Variants in STAT4 observed in about 807,000 individuals in gnomAD.
STAT4 encodes the protein signal transducer and activator of transcription 4.
STAT4 carries 42 observed loss-of-function variants against 110.5 expected under a neutral mutation model. That is an observed-to-expected ratio of 0.38 (90% CI 0.30 to 0.49). The LOEUF is 0.49. Ranked by LOEUF, STAT4 falls within the 20% of genes least tolerant of loss-of-function variation. The pLI, the probability that STAT4 is intolerant of heterozygous loss-of-function variation, is 0.95. For synonymous variants in STAT4, 284 were observed against 302.2 expected, an observed-to-expected ratio of 0.94 and a Z score of 0.63; for missense variants, 632 against 887.9, an observed-to-expected ratio of 0.71 and a Z score of 3.66.
At chr2:191,123,285 A>C (rs1421517170) in intron 3 of STAT4, among the ~76,000 whole-genome samples, 2 of 152,216 alleles carry the variant, frequency 1.3e-5, no homozygotes, top group African/African-American at 4.8e-5. Flanking sequence ...GGGATGGTTC[A>C]GAAAGACCAC....
chr2:191,136,049 A>G (rs1012286711), intron 3 of STAT4, among the ~76,000 whole-genome samples: 2 of 152,028 alleles, frequency 1.3e-5, no homozygotes, highest in Middle Eastern at 3.4e-3. Context: ...CAATGTGATC[A>G]AGTGGGATTT....
At chr2:191,100,450 T>C (rs1013275080) in intron 3 of STAT4, among the ~76,000 whole-genome samples, 2 of 152,174 alleles carry the variant, frequency 1.3e-5, no homozygotes, top group Non-Finnish European at 2.9e-5. Context: ...TACCGCAAAG[T>C]AGTCTTTGGG....
chr2:191,052,497 C>T (rs768684311), intron 14 of STAT4, among the ~76,000 whole-genome samples: 1 of 152,152 alleles, frequency 6.6e-6, no homozygotes, highest in Admixed American at 6.5e-5. Flanking sequence ...TATAAGTAGA[C>T]AGTGTTAATA....
intron 3 of STAT4, among the ~76,000 whole-genome samples, chr2:191,121,111 G>A (rs1012821310): frequency 1.3e-5 from 2 of 152,146 alleles, no homozygotes; most frequent in East Asian, 3.9e-4. Context: ...AGTGGGCGAA[G>A]GATATGAACA....
intron 16 of STAT4, among the ~76,000 whole-genome samples, chr2:191,038,625 G>A (rs533320256): frequency 6.6e-6 from 1 of 152,272 alleles, no homozygotes; most frequent in Admixed American, 6.5e-5. Context: ...TGTCTTATAA[G>A]AAGAACACCT....
Position 191,066,402 on chromosome 2 carries a change from A to G in STAT4, c.630+28T>C, listed in dbSNP as rs373008204. 66 of 1,596,030 alleles carry G rather than the reference A, an allele frequency of 4.1e-5. No homozygotes were observed. Among genetic ancestry groups the G allele is most frequent in the Non-Finnish European group, 5.2e-5 (60 of 1,164,582 alleles). ...TTAGAAAAAAGGAGAAAAATAGGCA[A>G]AAGCCCAAATTAAAATTCTTCACTA... is the stretch of plus-strand genomic sequence containing the variant. On this transcript the variant is annotated intron_variant, in intron 7 of 23. Coordinates refer to ENST00000392320, the MANE Select transcript of STAT4 (RefSeq NM_003151.4). The surrounding 1 kb of genome is among the most constrained non-coding windows in gnomAD (Gnocchi z 4.3).
At chr2:191,137,857 C>T (rs1187878799) in intron 3 of STAT4, among the ~76,000 whole-genome samples, 1 of 152,108 alleles carries the variant, frequency 6.6e-6, no homozygotes, top group African/African-American at 2.4e-5. Context: ...TAAAAATCAA[C>T]TCAAGATGGA....
At chr2:191,148,345 T>C in intron 1 of STAT4, 141 bp from the exon 2 acceptor site, 1 of 1,104,746 alleles carries the variant, frequency 9.1e-7, no homozygotes, top group Non-Finnish European at 1.2e-6. Flanking sequence ...TAAGGTTTTT[T>C]TTCATAATTC....
intron 3 of STAT4, among the ~76,000 whole-genome samples, chr2:191,100,894 T>C (rs1698132954): frequency 6.6e-6 from 1 of 152,088 alleles, no homozygotes; most frequent in South Asian, 2.1e-4. Context: ...GCTTTTGTGG[T>C]GACATGGTTT....
chr2:191,113,942 T>C lies in STAT4; in HGVS notation c.273+32671A>G, dbSNP rs570600397. ...CTGCTCAACCACCACAGACAGGAGG[T>C]TCCCCTAGAGTTTATGGCTGATCAA... is the stretch of plus-strand genomic sequence containing the variant. On this transcript the variant is annotated intron_variant, in intron 3 of 23. Coordinates refer to ENST00000392320, the MANE Select transcript of STAT4 (RefSeq NM_003151.4). The surrounding 1 kb of genome is among the most constrained non-coding windows in gnomAD (Gnocchi z 4.8). Among the ~76,000 whole-genome samples the C allele has an allele frequency of 3.9e-5, 6 of 152,280 alleles. No individual in the cohort carries two copies. Among genetic ancestry groups the C allele is most frequent in the Admixed American group, 6.5e-5 (1 of 15,278 alleles).
rs1697507705 is a variant in STAT4 at position 191,082,358 on chromosome 2, G to A, written c.274-6033C>T. Among the ~76,000 whole-genome samples the A allele has an allele frequency of 6.6e-6, 1 of 152,116 alleles. No individual in the cohort carries two copies. Among genetic ancestry groups the A allele is most frequent in the Non-Finnish European group, 1.5e-5 (1 of 68,020 alleles). ...CTATTTGTTTGAATCCTAAATTATAGTGTTATATTTTGATGACATTTTAAA... is the reference window on the plus strand; with the variant it reads ...CTATTTGTTTGAATCCTAAATTATAATGTTATATTTTGATGACATTTTAAA... On this transcript the variant is annotated intron_variant, in intron 3 of 23. Coordinates refer to ENST00000392320, the MANE Select transcript of STAT4 (RefSeq NM_003151.4). This position sits in a 1 kb window ranked among gnomAD's most constrained non-coding sequence, Gnocchi z 4.7.
chr2:191,049,167 C>CTTTTTT (rs11410725), intron 14 of STAT4, among the ~76,000 whole-genome samples: 9 of 104,152 alleles, frequency 8.6e-5, no homozygotes, highest in African/African-American at 1.1e-4. Flanking sequence ...ATGGTAATAG[C>CTTTTTT]TTTTTTTTTT....
chr2:191,092,896 C>A (rs1022326666), intron 3 of STAT4, among the ~76,000 whole-genome samples: 1 of 152,204 alleles, frequency 6.6e-6, no homozygotes, highest in Admixed American at 6.5e-5. Flanking sequence ...GAGATTATAT[C>A]CCACACGTGG....
chr2:191,136,022 A>AG (rs1699172858), intron 3 of STAT4, among the ~76,000 whole-genome samples: 1 of 46,610 alleles, frequency 2.1e-5, no homozygotes, highest in Admixed American at 2.9e-4. Flanking sequence ...AAAAAAAAAA[A>AG]CCAAAAAACA....
intron 3 of STAT4, among the ~76,000 whole-genome samples, chr2:191,095,068 T>C (rs1697930354): frequency 6.6e-6 from 1 of 152,026 alleles, no homozygotes; most frequent in South Asian, 2.1e-4. Flanking sequence ...CCTAAACATA[T>C]ATGCACCCAA....
At chr2:191,149,097 C>T (rs1699528580) in intron 1 of STAT4, among the ~76,000 whole-genome samples, 1 of 152,148 alleles carries the variant, frequency 6.6e-6, no homozygotes, top group Non-Finnish European at 1.5e-5. Flanking sequence ...CTTGAAATTA[C>T]AGCATTTTAT....
chr2:191,084,259 C>T (rs1697570017), intron 3 of STAT4, among the ~76,000 whole-genome samples: 1 of 145,172 alleles, frequency 6.9e-6, no homozygotes, highest in Non-Finnish European at 1.5e-5. Flanking sequence ...AAGACTCCGT[C>T]TAAAAAAAAA....
Position 191,033,772 on chromosome 2 carries a change from C to T in STAT4, c.1715+139G>A, listed in dbSNP as rs1695964445. The stretch of plus-strand genomic sequence containing the variant: ...ATATAGATTAATATACATAGTGCCA[C>T]TCCACAAAGAATAAGAAATTGCAAC... On this transcript the variant is annotated intron_variant, in intron 19 of 23. Transcript: ENST00000392320. The surrounding 1 kb of genome is among the most constrained non-coding windows in gnomAD (Gnocchi z 6.9). 1 of 1,335,110 alleles carries T rather than the reference C, an allele frequency of 7.5e-7. No homozygotes were observed. Among genetic ancestry groups the T allele is most frequent in the South Asian group, 1.5e-5 (1 of 68,086 alleles). The allele number at this position is 1,335,110 out of a possible 1,614,324, so 82.7% of individuals were successfully genotyped here.
At chr2:191,136,599 A>T (rs1180586799) in intron 3 of STAT4, among the ~76,000 whole-genome samples, 4 of 152,156 alleles carry the variant, frequency 2.6e-5, no homozygotes, top group Admixed American at 2.6e-4. Flanking sequence ...TAAAAATACA[A>T]AAATTAGCTG....
Sources: allele counts gnomAD v4.1 joint callset (sites outside exome capture counted in the v4.1 genomes callset), GRCh38; gene constraint gnomAD v4.1.1; non-coding constraint Gnocchi (gnomAD v3.1); transcripts MANE v1.5; gene names NCBI Gene and HGNC (gene_info 2026-07-23, HGNC 2026-07-21).